Variants in DNAAF10 observed in about 807,000 individuals in gnomAD.
DNAAF10 encodes the protein dynein axonemal assembly factor 10.
DNAAF10 carries 28 observed loss-of-function variants against 43.7 expected under a neutral mutation model. That is an observed-to-expected ratio of 0.64 (90% CI 0.48 to 0.88). DNAAF10 has a LOEUF of 0.88. Among genes scored for constraint, DNAAF10 ranks in the 40% least tolerant of loss-of-function variants. The pLI is 0.00. For missense variants in DNAAF10, 403 were observed against 439.1 expected (o/e 0.92, Z 0.73); for synonymous variants, 156 against 157.3 (o/e 0.99, Z 0.06).
intron 1 of DNAAF10, among the ~76,000 whole-genome samples, chr2:68,152,824 T>C (rs1277706928): frequency 3.3e-5 from 5 of 152,228 alleles, no homozygotes; most frequent in Admixed American, 3.3e-4. Flanking sequence ...CTATTTTTGT[T>C]CTGCATGTGG....
chr2:68,131,542 T>TAACCA, intron 7 of DNAAF10, 97 bp from the exon 8 acceptor site: 1 of 1,136,144 alleles, frequency 8.8e-7, no homozygotes, highest in Non-Finnish European at 1.3e-6. Context: ...CTCAGTTGGT[T>TAACCA]ACTGGGACTA....
At chr2:68,155,462 C>G (rs1673573303) in intron 1 of DNAAF10, among the ~76,000 whole-genome samples, 2 of 149,088 alleles carry the variant, frequency 1.3e-5, no homozygotes, top group South Asian at 4.2e-4. Flanking sequence ...CCACTGCACT[C>G]AAGCTTGGGT....
chr2:68,156,876 C>T (rs781153852), intron 1 of DNAAF10: 7 of 240,870 alleles, frequency 2.9e-5, no homozygotes, highest in Non-Finnish European at 2.4e-5. Context: ...GATTATTGAA[C>T]TGAGTATCTC....
rs1387924206 is a variant in DNAAF10 at position 68,131,238 on chromosome 2, T to G, written c.1074A>C (p.Ter358CysextTer16). The change falls in exon 8 of 8, where the codon TGA becomes TGC. Residue 358 changes from the stop codon to cysteine (C), a stop_lost. Coordinates refer to ENST00000295121, the MANE Select transcript of DNAAF10 (RefSeq NM_138458.4). ...VLIVTKLNKI[*>C] ...CAGCCTCAAGTCCAAAGTCTTGAAG[T>G]CAAATTTTATTGAGCTTTGTAACGA... 6.2e-7 allele frequency: 1 copy of G among 1,613,888 alleles called. No individual in the cohort carries two copies. Among genetic ancestry groups the G allele is most frequent in the South Asian group, 1.1e-5 (1 of 91,066 alleles).
intron 1 of DNAAF10, among the ~76,000 whole-genome samples, chr2:68,156,264 T>A (rs1357225424): frequency 6.6e-6 from 1 of 152,148 alleles, no homozygotes; most frequent in Non-Finnish European, 1.5e-5. Flanking sequence ...ATTCTAGGCT[T>A]AACAGTCCAA....
intron 2 of DNAAF10, among the ~76,000 whole-genome samples, chr2:68,145,255 C>G (rs1454434555): frequency 1.3e-5 from 2 of 151,598 alleles, no homozygotes; most frequent in Non-Finnish European, 2.9e-5. Flanking sequence ...AAAAAACAAC[C>G]ATGTATCTGA....
chr2:68,139,812 AAAAAG>A (rs1306211283), intron 4 of DNAAF10, among the ~76,000 whole-genome samples: 3 of 152,008 alleles, frequency 2.0e-5, no homozygotes, highest in Non-Finnish European at 4.4e-5. Flanking sequence ...TCAAAAAAAA[AAAAAG>A]AAAAGAAAAT....
chr2:68,139,803 CAAA>C (rs769593748), intron 4 of DNAAF10, among the ~76,000 whole-genome samples: 1 of 118,362 alleles, frequency 8.4e-6, no homozygotes, highest in Admixed American at 8.8e-5. Context: ...GACTCTGTCT[CAAA>C]AAAAAAAAAA....
rs569328969 is a variant in DNAAF10 at position 68,130,985 on chromosome 2, G to A, written c.*253C>T. 7 of 282,056 alleles carry A rather than the reference G, an allele frequency of 2.5e-5. No individual in the cohort carries two copies. The highest frequency in any genetic ancestry group is 4.5e-5 in the Admixed American group (1 of 22,256). The allele number at this position is 282,056 out of a possible 1,614,324, so 17.5% of individuals were successfully genotyped here. On this transcript the variant is annotated 3_prime_UTR_variant, in exon 8 of 8. Transcript: ENST00000295121. ...GGCTGGAGTGCAGTGGCACAATCTC[G>A]GCTCACTGCAACCTCCGCCTCCCGG...
chr2:68,157,027 G>T, intron 1 of DNAAF10: 1 of 603,208 alleles, frequency 1.7e-6, no homozygotes, highest in Non-Finnish European at 2.8e-6. Flanking sequence ...GCCCGCTTTG[G>T]CTGGACTGCA....
chr2:68,139,192 T>C (rs2103888973), intron 4 of DNAAF10, among the ~76,000 whole-genome samples: 1 of 152,258 alleles, frequency 6.6e-6, no homozygotes, highest in African/African-American at 2.4e-5. Flanking sequence ...AGTGCAGTCC[T>C]TATGGTAATG....
At chr2:68,152,323 G>A (rs1021289683) in intron 1 of DNAAF10, among the ~76,000 whole-genome samples, 3 of 152,164 alleles carry the variant, frequency 2.0e-5, no homozygotes, top group Non-Finnish European at 4.4e-5. Context: ...CGTATTAAAC[G>A]TATTATGAAC....
At position 68,144,524 on chromosome 2, in the gene DNAAF10, C is replaced by T. The variant is rs1673266843; in HGVS notation, c.415+61G>A. On this transcript the variant is annotated intron_variant, in intron 3 of 7. Transcript: ENST00000295121. ...GGATTTTTTACTCAGAGAGGATGTA[C>T]TGCTGCATAGAGATTTCCATTAAAA... 3 of 1,589,688 alleles carry T rather than the reference C, an allele frequency of 1.9e-6. No individual in the cohort carries two copies. The South Asian group carries it at 3.4e-5, about 18-fold the overall frequency.
In DNAAF10 at chr2:68,137,335, C is replaced by A; in HGVS notation, c.732G>T (p.Gln244His). 3.7e-6 allele frequency: 6 copies of A among 1,613,212 alleles called. No individual in the cohort carries two copies. Among genetic ancestry groups the A allele is most frequent in the Non-Finnish European group, 5.1e-6 (6 of 1,179,656 alleles). The change falls in exon 6 of 8, where the codon CAG (glutamine) becomes CAT (histidine). Residue 244 changes from glutamine (Q) to histidine (H), a missense_variant. Coordinates refer to ENST00000295121, the MANE Select transcript of DNAAF10 (RefSeq NM_138458.4). ...GKFHVFDMRT[Q>H]HPTKGFASVS... ...CAGAGGCAAAACCTTTGGTTGGATGCTGTGTTCTCATGTCAAAAACATGGA... is the reference window on the plus strand; with the variant it reads ...CAGAGGCAAAACCTTTGGTTGGATGATGTGTTCTCATGTCAAAAACATGGA...
chr2:68,135,660 AC>A (rs961078783), intron 6 of DNAAF10, among the ~76,000 whole-genome samples: 4 of 152,266 alleles, frequency 2.6e-5, no homozygotes, highest in African/African-American at 9.6e-5. Context: ...ATTAGTCTTG[AC>A]CTTTGATTTC....
Position 68,130,615 on chromosome 2 carries a change from G to A in DNAAF10, c.*623C>T, listed in dbSNP as rs1290779916. ...AACACAAGCATAAAGATAAAATATG[G>A]AACTTCAGGGACACAGAACAAATCT... On this transcript the variant is annotated 3_prime_UTR_variant, in exon 8 of 8. Coordinates refer to ENST00000295121, the MANE Select transcript of DNAAF10 (RefSeq NM_138458.4). 6.6e-6 allele frequency: 1 copy of A among 152,624 alleles called. No individual in the cohort carries two copies. Among genetic ancestry groups the A allele is most frequent in the Admixed American group, 6.6e-5 (1 of 15,266 alleles). The allele number at this position is 152,624 out of a possible 1,614,324, so 9.5% of individuals were successfully genotyped here.
intron 7 of DNAAF10, among the ~76,000 whole-genome samples, chr2:68,133,311 C>T (rs1000665745): frequency 1.3e-5 from 2 of 152,042 alleles, no homozygotes; most frequent in Non-Finnish European, 2.9e-5. Flanking sequence ...GGTGCGATCT[C>T]GACTCACTGA....
chr2:68,154,930 T>C lies in DNAAF10; in HGVS notation c.183+2331A>G, dbSNP rs192647613. Among the ~76,000 whole-genome samples the C allele has an allele frequency of 7.9e-5, 12 of 152,154 alleles. No individual in the cohort carries two copies. In the East Asian group the frequency reaches 2.3e-3, roughly 29 times the overall value. The stretch of plus-strand genomic sequence containing the variant: ...GGCTCGCATCACTATGCCCAGCTAA[T>C]TTTTGTATTTTTTTTATACAAAAAG... On this transcript the variant is annotated intron_variant, in intron 1 of 7. Transcript: ENST00000295121.
At chr2:68,144,542 C>T (rs1464324974) in intron 3 of DNAAF10, 43 bp downstream of exon 3, 1 of 1,601,696 alleles carries the variant, frequency 6.2e-7, no homozygotes, top group Non-Finnish European at 8.5e-7. Context: ...TAGAGATTTC[C>T]ATTAAAATAA....
Sources: allele counts gnomAD v4.1 joint callset (sites outside exome capture counted in the v4.1 genomes callset), GRCh38; gene constraint gnomAD v4.1.1; transcripts MANE v1.5; gene names NCBI Gene and HGNC (gene_info 2026-07-23, HGNC 2026-07-21).